Variants in NUDCD3 observed in about 807,000 individuals in gnomAD.
NUDCD3 encodes the protein nudC domain-containing protein 3.
A neutral mutation model predicts 39.7 loss-of-function variants in NUDCD3; 13 were observed. That is an observed-to-expected ratio of 0.33 (90% confidence interval 0.21 to 0.52). The LOEUF (loss-of-function observed/expected upper bound fraction) is 0.52, where lower values mean the gene tolerates loss of function less well. NUDCD3 is among the 20% of genes least tolerant of loss of function. NUDCD3 has a pLI of 0.96. For synonymous variants in NUDCD3, 175 were observed against 172.4 expected (o/e 1.02, Z -0.12); for missense variants, 453 against 458.1 (o/e 0.99, Z 0.10).
intron 2 of NUDCD3, among the ~76,000 whole-genome samples, chr7:44,447,153 T>C (rs899955911): frequency 2.6e-5 from 4 of 152,306 alleles, no homozygotes; most frequent in African/African-American, 9.6e-5. Flanking sequence ...CTGATACCTA[T>C]CTGTTAACGC....
chr7:44,396,200 C>T (rs1798622091), intron 4 of NUDCD3, among the ~76,000 whole-genome samples: 1 of 152,012 alleles, frequency 6.6e-6, no homozygotes, highest in African/African-American at 2.4e-5. Flanking sequence ...ACAGGCCTGC[C>T]TCCTCTGCCT....
intron 2 of NUDCD3, among the ~76,000 whole-genome samples, chr7:44,483,074 GTGTGTGTGTGTGTA>G (rs1197449541): frequency 3.3e-5 from 5 of 152,250 alleles, no homozygotes; most frequent in African/African-American, 9.6e-5. Context: ...CTAAGTGTGT[GTGTGTGTGTGTGTA>G]TGTGTGTGTG....
intron 2 of NUDCD3, among the ~76,000 whole-genome samples, chr7:44,449,693 C>T (rs528188081): frequency 3.9e-5 from 6 of 152,134 alleles, no homozygotes; most frequent in South Asian, 2.1e-4. Flanking sequence ...AACTTCAAGC[C>T]GTATCTTGCA....
chr7:44,469,628 A>G (rs1160393870), intron 2 of NUDCD3, among the ~76,000 whole-genome samples: 1 of 152,222 alleles, frequency 6.6e-6, no homozygotes, highest in African/African-American at 2.4e-5. Context: ...CCACAGTGGA[A>G]GAAATGTGCA....
chr7:44,473,215 C>T (rs1800292061), intron 2 of NUDCD3, among the ~76,000 whole-genome samples: 1 of 152,162 alleles, frequency 6.6e-6, no homozygotes, highest in Non-Finnish European at 1.5e-5. Flanking sequence ...ACACTCAGAC[C>T]AATTAAATCA....
intron 3 of NUDCD3, among the ~76,000 whole-genome samples, chr7:44,409,423 C>T (rs963079258): frequency 1.3e-5 from 2 of 152,152 alleles, no homozygotes; most frequent in African/African-American, 4.8e-5. Flanking sequence ...ATAAAGAATA[C>T]AAACTTTACA....
chr7:44,445,086 C>T (rs1227501636), intron 2 of NUDCD3, among the ~76,000 whole-genome samples: 1 of 152,204 alleles, frequency 6.6e-6, no homozygotes, highest in African/African-American at 2.4e-5. Context: ...CCTGTTCTCC[C>T]TCTCCTCCAA....
Position 44,381,815 on chromosome 7 carries a change from CA to C in NUDCD3, c.*4195del, listed in dbSNP as rs1296836285. 1 of 152,432 alleles carries C rather than the reference CA, an allele frequency of 6.6e-6. No homozygotes were observed. The highest frequency in any genetic ancestry group is 2.4e-5 in the African/African-American group (1 of 41,452). The allele number at this position is 152,432 out of a possible 1,614,324, so 9.4% of individuals were successfully genotyped here. ...ACACCCCATGTGTGCCTATCTCCAT[CA>C]GCACTGAGAAGACAGCAAACGCCAG... On this transcript the variant is annotated 3_prime_UTR_variant, in exon 6 of 6. Coordinates refer to ENST00000355451, the MANE Select transcript of NUDCD3 (RefSeq NM_015332.4).
intron 3 of NUDCD3, among the ~76,000 whole-genome samples, chr7:44,420,511 T>G (rs894215889): frequency 1.3e-5 from 2 of 152,070 alleles, no homozygotes; most frequent in African/African-American, 4.8e-5. Flanking sequence ...ACCACGAAGA[T>G]ACTCCTTGAG....
intron 3 of NUDCD3, among the ~76,000 whole-genome samples, chr7:44,414,371 G>A (rs1585063486): frequency 6.6e-6 from 1 of 152,134 alleles, no homozygotes; most frequent in South Asian, 2.1e-4. Context: ...AGGCACTTGG[G>A]GACATGGAAG....
Position 44,381,951 on chromosome 7 carries a change from C to T in NUDCD3, c.*4060G>A, listed in dbSNP as rs549927309. 6.6e-6 allele frequency: 1 copy of T among 152,296 alleles called. No homozygotes were observed. Among genetic ancestry groups the T allele is most frequent in the Non-Finnish European group, 1.5e-5 (1 of 68,122 alleles). The allele number at this position is 152,296 out of a possible 1,614,324, so 9.4% of individuals were successfully genotyped here. On this transcript the variant is annotated 3_prime_UTR_variant, in exon 6 of 6. Transcript: ENST00000355451. ...CATCCTGCCATGGGCTCTGGTCTCC[C>T]CATCACCCTCTGAGGGGGAAGCAGG...
intron 2 of NUDCD3, among the ~76,000 whole-genome samples, chr7:44,478,678 T>C (rs775822941): frequency 6.6e-6 from 1 of 152,222 alleles, no homozygotes. Context: ...TGTAGGTTAT[T>C]AGTCAGGGAG....
chr7:44,388,881 T>C (rs17711340), intron 5 of NUDCD3, among the ~76,000 whole-genome samples: 20,627 of 152,282 alleles, frequency 0.14, 1,729 homozygotes, highest in Non-Finnish European at 0.19. Flanking sequence ...TACAGCAGAA[T>C]AGATTTAGAT....
In NUDCD3 at chr7:44,384,377, G is replaced by A. The variant is rs368652582; in HGVS notation, c.*1634C>T. ...CAAGAATTCTGCTCCCCAGGGTCGA[G>A]ATCTCTTTAGAGGGGCTTCACCAGC... On this transcript the variant is annotated 3_prime_UTR_variant, in exon 6 of 6. Transcript: ENST00000355451. 1 of 152,216 alleles carries A rather than the reference G, an allele frequency of 6.6e-6. No individual in the cohort carries two copies. The highest frequency in any genetic ancestry group is 2.4e-5 in the African/African-American group (1 of 41,452). 9.4% of individuals were successfully genotyped at this position (152,216 alleles called of 1,614,324 possible).
In NUDCD3 at chr7:44,380,339, T is replaced by A. The variant is rs1045738401; in HGVS notation, c.*5672A>T. The A allele has an allele frequency of 6.6e-6, 1 of 152,284 alleles. No homozygotes were observed. The highest frequency in any genetic ancestry group is 6.5e-5 in the Admixed American group (1 of 15,272). 9.4% of individuals were successfully genotyped at this position (152,284 alleles called of 1,614,324 possible). A position where few individuals can be genotyped will look rare whatever the true frequency, so the allele number is the denominator to read the frequency against. On this transcript the variant is annotated 3_prime_UTR_variant, in exon 6 of 6. Transcript: ENST00000355451. ...CAGCCTCATTGAGACAGCCCTAGAC[T>A]AACAGTCACCCATATTGAGCCCAAG...
intron 4 of NUDCD3, among the ~76,000 whole-genome samples, chr7:44,397,569 T>C (rs767299897): frequency 2.6e-5 from 4 of 152,176 alleles, no homozygotes; most frequent in Non-Finnish European, 5.9e-5. Flanking sequence ...AATCATGACG[T>C]TAAGCTTCTC....
In NUDCD3 at chr7:44,448,823, A is replaced by C. The variant is rs559753580; in HGVS notation, c.510-21120T>G. Among the ~76,000 whole-genome samples the C allele has an allele frequency of 6.6e-5, 10 of 152,320 alleles. No individual in the cohort carries two copies. In the South Asian group the frequency reaches 8.3e-4, roughly 13 times the overall value. ...AACTACTTCATAGGTCTTGCTTCCTAAGGATGTGCTCATTTTGTTCAGAAT... is the reference window on the plus strand; with the variant it reads ...AACTACTTCATAGGTCTTGCTTCCTCAGGATGTGCTCATTTTGTTCAGAAT... On this transcript the variant is annotated intron_variant, in intron 2 of 5. Transcript: ENST00000355451.
chr7:44,425,294 G>A (rs1458384635), intron 3 of NUDCD3, among the ~76,000 whole-genome samples: 2 of 151,906 alleles, frequency 1.3e-5, no homozygotes, highest in Non-Finnish European at 2.9e-5. Context: ...ATGTATCCCA[G>A]AACTTAAAGT....
At chr7:44,486,418 T>C (rs1800610519) in intron 1 of NUDCD3, among the ~76,000 whole-genome samples, 1 of 151,914 alleles carries the variant, frequency 6.6e-6, no homozygotes, top group Non-Finnish European at 1.5e-5. Context: ...AAATAAGGCT[T>C]GGAAAGGTTA....
Sources: allele counts gnomAD v4.1 joint callset (sites outside exome capture counted in the v4.1 genomes callset), GRCh38; gene constraint gnomAD v4.1.1; transcripts MANE v1.5; gene names NCBI Gene and HGNC (gene_info 2026-07-23, HGNC 2026-07-21).